CACNA1S: variants seen among roughly 807,000 people sequenced by gnomAD.
CACNA1S encodes voltage-dependent L-type calcium channel subunit alpha-1S.
CACNA1S carries 126 observed loss-of-function variants against 207.4 expected under a neutral mutation model. That is an observed-to-expected ratio of 0.61 (90% CI 0.53 to 0.70). The LOEUF (loss-of-function observed/expected upper bound fraction) is 0.70. CACNA1S is among the 30% of genes least tolerant of loss of function. The pLI is 0.00. For missense variants in CACNA1S, 2,349 were observed against 2,422.8 expected (o/e 0.97, Z 0.64); for synonymous variants, 960 against 932.7 (o/e 1.03, Z -0.53).
In CACNA1S at chr1:201,066,130, A is replaced by G; in HGVS notation, c.2745+99T>C. 1 of 1,181,858 alleles carries G rather than the reference A, an allele frequency of 8.5e-7. No individual in the cohort carries two copies. Among genetic ancestry groups the G allele is most frequent in the Non-Finnish European group, 1.3e-6 (1 of 792,492 alleles). The allele number at this position is 1,181,858 out of a possible 1,614,324, so 73.2% of individuals were successfully genotyped here. A position where few individuals can be genotyped will look rare whatever the true frequency, so the allele number is the denominator to read the frequency against. ...CCCTATCTGCCCAGGGAGATGGGAC[A>G]GGGGTCCCAGCCATGGCTGGGCTGA... On this transcript the variant is annotated intron_variant, in intron 21 of 43. Transcript: ENST00000362061. The surrounding 1 kb of genome is among the most constrained non-coding windows in gnomAD (Gnocchi z 4.3).
chr1:201,067,623 T>C (rs1298160574), intron 19 of CACNA1S, among the ~76,000 whole-genome samples: 2 of 152,208 alleles, frequency 1.3e-5, no homozygotes, highest in Non-Finnish European at 2.9e-5. Flanking sequence ...CCAGGCCTCC[T>C]GTATGTGCAA....
At chr1:201,102,120 T>G (rs796839015) in intron 2 of CACNA1S, among the ~76,000 whole-genome samples, 4 of 152,194 alleles carry the variant, frequency 2.6e-5, no homozygotes, top group African/African-American at 9.6e-5. Flanking sequence ...ACACTGAGGT[T>G]TCTGTGGTGC....
chr1:201,105,898 C>A (rs1321458709), intron 2 of CACNA1S, among the ~76,000 whole-genome samples: 1 of 152,176 alleles, frequency 6.6e-6, no homozygotes. Flanking sequence ...CTGAGGGAAG[C>A]CCTTCTTGCC....
At chr1:201,059,605 T>G (rs1008226259) in intron 26 of CACNA1S, among the ~76,000 whole-genome samples, 2 of 152,264 alleles carry the variant, frequency 1.3e-5, no homozygotes, top group East Asian at 3.8e-4. Context: ...CAAAGCTCAT[T>G]TACATATCTG....
intron 2 of CACNA1S, among the ~76,000 whole-genome samples, chr1:201,098,797 C>T (rs16847726): frequency 0.22 from 33,785 of 152,094 alleles, 4,879 homozygotes; most frequent in African/African-American, 0.41. Flanking sequence ...CGTCCAACTT[C>T]GTGAGGTGAG....
chr1:201,043,241 C>A lies in CACNA1S; in HGVS notation c.5048+40G>T, dbSNP rs145091211. On this transcript the variant is annotated intron_variant, in intron 40 of 43. Transcript: ENST00000362061. ...CTGGAACCTGCTGACATTGTCCTCC[C>A]AGTACCTCTACACCCAGGGATGGCA... The A allele has an allele frequency of 2.1e-4, 335 of 1,613,628 alleles. 1 individual carries two copies. In the East Asian group the frequency reaches 3.7e-3, roughly 18 times the overall value.
intron 33 of CACNA1S, 62 bp downstream of exon 33, chr1:201,050,922 G>T (rs1382217951): frequency 3.2e-6 from 5 of 1,555,354 alleles, no homozygotes; most frequent in Non-Finnish European, 4.4e-6. Context: ...GGGCAGGCAG[G>T]CTCCCCCATG....
In CACNA1S at chr1:201,052,664, G is replaced by A; in HGVS notation, c.3862-16C>T. 2 of 1,600,324 alleles carry A rather than the reference G, an allele frequency of 1.2e-6. No homozygotes were observed. Among genetic ancestry groups the A allele is most frequent in the African/African-American group, 1.3e-5 (1 of 74,640 alleles). Reference sequence around the variant, plus strand: ...TCCCAAACATCTGCAAGTCACAAAGGGCCCTGACTGTGGAACCTAGATTAA... The same window carrying A: ...TCCCAAACATCTGCAAGTCACAAAGAGCCCTGACTGTGGAACCTAGATTAA... On this transcript the variant is annotated splice_polypyrimidine_tract_variant and intron_variant, in intron 31 of 43. Coordinates refer to ENST00000362061, the MANE Select transcript of CACNA1S (RefSeq NM_000069.3).
At chr1:201,077,794 C>T (rs541213121) in intron 11 of CACNA1S, 85 bp downstream of exon 11, 3 of 891,816 alleles carry the variant, frequency 3.4e-6, no homozygotes, top group Admixed American at 2.0e-5. Context: ...AGATCCCAGA[C>T]CTCAGGAAAT....
At chr1:201,095,365 C>CTG (rs1474471059) in intron 2 of CACNA1S, among the ~76,000 whole-genome samples, 8 of 152,122 alleles carry the variant, frequency 5.3e-5, no homozygotes, top group Non-Finnish European at 1.0e-4. Flanking sequence ...GCGGAGGCGT[C>CTG]ATTCATATTC....
chr1:201,068,424 G>A (rs1026905583), intron 19 of CACNA1S, among the ~76,000 whole-genome samples: 2 of 150,230 alleles, frequency 1.3e-5, no homozygotes, highest in Non-Finnish European at 3.0e-5. Flanking sequence ...TGTACTTTTA[G>A]TAGAGACAGG....
Position 201,110,211 on chromosome 1 carries a change from A to G in CACNA1S, c.211T>C (p.Tyr71His). 1 of 1,614,224 alleles carries G rather than the reference A, an allele frequency of 6.2e-7. No homozygotes were observed. The highest frequency in any genetic ancestry group is 1.1e-5 in the South Asian group (1 of 91,086). Residue 71 changes from tyrosine (Y) to histidine (H), a missense_variant, in exon 2 of 44, where the codon TAC becomes CAC. Transcript: ENST00000362061. Reference sequence around the variant, plus strand: ...TTGTCATCTTCCGGCATGGGCAGGTACACGGCCAGGGCCACACAATTGGCA... The same window carrying G: ...TTGTCATCTTCCGGCATGGGCAGGTGCACGGCCAGGGCCACACAATTGGCA... The part of the protein sequence containing the change: ...IFANCVALAV[Y>H]LPMPEDDNNS...
intron 2 of CACNA1S, among the ~76,000 whole-genome samples, chr1:201,100,101 T>C (rs1201173385): frequency 6.6e-6 from 1 of 152,164 alleles, no homozygotes; most frequent in African/African-American, 2.4e-5. Context: ...AGCACCAGAA[T>C]AGCTGCAGTG....
intron 8 of CACNA1S, 84 bp downstream of exon 8, chr1:201,085,352 T>A (rs1662002234): frequency 6.4e-7 from 1 of 1,569,644 alleles, no homozygotes; most frequent in African/African-American, 1.3e-5. Flanking sequence ...TTGGACTTGC[T>A]CAGTGGGCCT....
At chr1:201,111,701 G>A (rs79574266) in intron 1 of CACNA1S, among the ~76,000 whole-genome samples, 1,803 of 152,150 alleles carry the variant, frequency 0.012, 50 homozygotes, top group African/African-American at 0.041. Flanking sequence ...AGAGGCCATC[G>A]CATCTTTTTT....
intron 2 of CACNA1S, among the ~76,000 whole-genome samples, chr1:201,100,375 C>T (rs1298808984): frequency 1.3e-5 from 2 of 152,248 alleles, no homozygotes. Flanking sequence ...GGCCACGCCG[C>T]ACACTGGGTG....
rs751048080 is a variant in CACNA1S at position 201,044,339 on chromosome 1, C to T, written c.4786G>A (p.Gly1596Arg). 20 of 1,613,464 alleles carry T rather than the reference C, an allele frequency of 1.2e-5. No homozygotes were observed. The African/African-American group carries it at 2.3e-4, about 18-fold the overall frequency. Residue 1596 changes from glycine to arginine, a missense_variant, in exon 39 of 44, where the codon GGA becomes AGA. Coordinates refer to ENST00000362061, the MANE Select transcript of CACNA1S (RefSeq NM_000069.3). ...TGGCTCTCCCTCACCCGGAATATTCCCTCCTCCATCGCAGCCTCCACCATG... is the reference window on the plus strand; with the variant it reads ...TGGCTCTCCCTCACCCGGAATATTCTCTCCTCCATCGCAGCCTCCACCATG... ...RAMVEAAMEE[G>R]IFRRTGGLFG... is the part of the protein sequence containing the mutation.
chr1:201,063,847 C>T (rs553106978), intron 22 of CACNA1S, among the ~76,000 whole-genome samples: 37 of 152,294 alleles, frequency 2.4e-4, no homozygotes, highest in Middle Eastern at 6.8e-3. Context: ...GATAGAGCTG[C>T]CACTGGGCAG....
At chr1:201,109,243 CAAAAAA>C (rs56739161) in intron 2 of CACNA1S, among the ~76,000 whole-genome samples, 2 of 118,544 alleles carry the variant, frequency 1.7e-5, no homozygotes, top group African/African-American at 3.1e-5. Flanking sequence ...GACTCTGTCT[CAAAAAA>C]AAAAAAAAAA....
Sources: allele counts gnomAD v4.1 joint callset (sites outside exome capture counted in the v4.1 genomes callset), GRCh38; gene constraint gnomAD v4.1.1; non-coding constraint Gnocchi (gnomAD v3.1); transcripts MANE v1.5; gene names NCBI Gene and HGNC (gene_info 2026-07-23, HGNC 2026-07-21).